The following KALRN variants were observed in gnomAD, a reference collection of about 807,000 sequenced individuals.
KALRN encodes the protein kalirin RhoGEF kinase.
Under a neutral mutation model 353.7 loss-of-function variants are expected in KALRN, and 70 were observed. The observed-to-expected ratio is 0.20, with a 90% confidence interval of 0.16 to 0.24. The LOEUF is 0.24. Among genes scored for constraint, KALRN ranks in the 10% least tolerant of loss-of-function variants. The pLI is 1.00. For synonymous variants in KALRN, 1,391 were observed against 1,434.8 expected (o/e 0.97, Z 0.69); for missense variants, 2,791 against 3,756.7 (o/e 0.74, Z 6.72).
At chr3:124,326,253 C>G (rs967461772) in intron 7 of KALRN, 82 bp downstream of exon 7, 4 of 1,181,828 alleles carry the variant, frequency 3.4e-6, no homozygotes, top group Non-Finnish European at 4.8e-6. Context: ...GGAGCACACA[C>G]ACTCTCTATA....
chr3:124,094,620 G>C lies in KALRN; in HGVS notation c.73+60807G>C, dbSNP rs2061317427. 3 of 604,688 alleles carry C rather than the reference G, an allele frequency of 5.0e-6. No individual in the cohort carries two copies. In the South Asian group the frequency reaches 5.6e-5, roughly 11 times the overall value. 37.5% of individuals were successfully genotyped at this position (604,688 alleles called of 1,614,324 possible). ...TCCAGGCAGGCTCGGTCTGCACACG[G>C]CGTTGTTCTGCACTTGTTCCTTTGT... On this transcript the variant is annotated intron_variant, in intron 1 of 59. Transcript: ENST00000682506.
chr3:124,573,141 ATCATACACCTGTGG>A (rs1470439977), intron 34 of KALRN, among the ~76,000 whole-genome samples: 2 of 152,114 alleles, frequency 1.3e-5, no homozygotes, highest in Non-Finnish European at 2.9e-5. Flanking sequence ...GCCGGATGTG[ATCATACACCTGTGG>A]TCCTAGCTGT....
chr3:124,083,420 GC>G (rs910233433), intron 1 of KALRN, among the ~76,000 whole-genome samples: 1 of 152,102 alleles, frequency 6.6e-6, no homozygotes, highest in African/African-American at 2.4e-5. Flanking sequence ...CTAGATGAAG[GC>G]AGGATGGGAA....
intron 10 of KALRN, among the ~76,000 whole-genome samples, chr3:124,379,244 T>G (rs577377390): frequency 7.2e-5 from 11 of 152,300 alleles, no homozygotes; most frequent in Non-Finnish European, 1.5e-4. Context: ...AAAAATTTTT[T>G]TATTTCTTAA....
chr3:124,441,166 G>GT (rs1222793323), intron 18 of KALRN, among the ~76,000 whole-genome samples: 2 of 152,200 alleles, frequency 1.3e-5, no homozygotes, highest in Non-Finnish European at 2.9e-5. Context: ...GGAATGTAGG[G>GT]TTAATAGATG....
intron 34 of KALRN, among the ~76,000 whole-genome samples, chr3:124,578,766 TAA>T (rs10526930): frequency 0.41 from 59,515 of 144,418 alleles, 12,884 homozygotes; most frequent in East Asian, 0.78. Flanking sequence ...AAACTCCATT[TAA>T]AAAAAAAAAA....
At chr3:124,330,239 C>T (rs2080371721) in intron 8 of KALRN, among the ~76,000 whole-genome samples, 1 of 112,042 alleles carries the variant, frequency 8.9e-6, no homozygotes, top group Admixed American at 9.8e-5. Context: ...TTCTCTCTCT[C>T]TCTCTCTCAC....
At chr3:124,508,698 G>T (rs973098408) in intron 33 of KALRN, among the ~76,000 whole-genome samples, 22 of 152,160 alleles carry the variant, frequency 1.4e-4, no homozygotes, top group African/African-American at 2.4e-5. Context: ...GATAGGATGT[G>T]TGTGTATATT....
chr3:124,301,541 C>T (rs2077268063), intron 6 of KALRN, among the ~76,000 whole-genome samples: 1 of 152,120 alleles, frequency 6.6e-6, no homozygotes, highest in African/African-American at 2.4e-5. Flanking sequence ...AAATTGCTTG[C>T]CCGCCTGTGC....
intron 34 of KALRN, among the ~76,000 whole-genome samples, chr3:124,610,477 T>C (rs2077813666): frequency 6.6e-6 from 1 of 152,124 alleles, no homozygotes; most frequent in Non-Finnish European, 1.5e-5. Flanking sequence ...CAAGGGGTTG[T>C]CCCTAGTTGT....
chr3:124,489,386 A>G (rs1011566444), intron 29 of KALRN, among the ~76,000 whole-genome samples: 1 of 152,130 alleles, frequency 6.6e-6, no homozygotes, highest in Admixed American at 6.5e-5. Context: ...TGTTGCAAAT[A>G]TGTAAACACG....
chr3:124,266,344 G>A (rs1047692602), intron 4 of KALRN, among the ~76,000 whole-genome samples: 2 of 152,170 alleles, frequency 1.3e-5, no homozygotes, highest in Admixed American at 6.5e-5. Flanking sequence ...CTACGTGACT[G>A]GATAGTGGAT....
chr3:124,265,759 A>C (rs1188656168), intron 4 of KALRN, among the ~76,000 whole-genome samples: 1 of 152,234 alleles, frequency 6.6e-6, no homozygotes, highest in East Asian at 1.9e-4. Context: ...TATATAGTGC[A>C]TATACATACA....
intron 5 of KALRN, among the ~76,000 whole-genome samples, chr3:124,274,612 T>C (rs2074504795): frequency 6.6e-6 from 1 of 152,250 alleles, no homozygotes; most frequent in African/African-American, 2.4e-5. Flanking sequence ...TGCCTATTAT[T>C]GGTTTATGCA....
intron 1 of KALRN, among the ~76,000 whole-genome samples, chr3:124,192,563 A>C (rs2075038726): frequency 6.6e-6 from 1 of 152,234 alleles, no homozygotes; most frequent in Admixed American, 6.5e-5. Context: ...AATGCTTGAG[A>C]GGATGGATAC....
intron 3 of KALRN, among the ~76,000 whole-genome samples, chr3:124,236,937 C>A (rs2079848433): frequency 6.6e-6 from 1 of 152,224 alleles, no homozygotes; most frequent in African/African-American, 2.4e-5. Flanking sequence ...GTGGGAAGAA[C>A]TGTTCTGTGA....
intron 57 of KALRN, among the ~76,000 whole-genome samples, chr3:124,711,189 TAAA>T (rs994702414): frequency 3.3e-5 from 5 of 152,132 alleles, no homozygotes; most frequent in Non-Finnish European, 5.9e-5. Context: ...ATTATTTTTT[TAAA>T]AAAAATTTTT....
intron 34 of KALRN, among the ~76,000 whole-genome samples, chr3:124,599,043 G>A (rs776205119): frequency 1.3e-5 from 2 of 152,142 alleles, no homozygotes; most frequent in Non-Finnish European, 2.9e-5. Flanking sequence ...GGACAGGGGT[G>A]GGGTGGGGGT....
intron 1 of KALRN, among the ~76,000 whole-genome samples, chr3:124,190,850 A>T (rs2074821835): frequency 6.6e-6 from 1 of 152,182 alleles, no homozygotes; most frequent in Non-Finnish European, 1.5e-5. Flanking sequence ...CAATTCTGAC[A>T]TTATCTACCT....
Sources: gnomAD v4.1 joint callset for allele counts (sites outside exome capture counted in the v4.1 genomes callset) on GRCh38, gnomAD v4.1.1 for gene constraint, MANE v1.5 for transcripts, NCBI Gene and HGNC (gene_info 2026-07-23, HGNC 2026-07-21) for gene names.